Variants in RNASET2 observed in about 807,000 individuals in gnomAD.
RNASET2 encodes the protein ribonuclease T2.
In RNASET2, 28 loss-of-function variants were observed where a neutral mutation model predicts 33.9. The observed-to-expected ratio is 0.83, with a 90% CI of 0.61 to 1.13. The LOEUF is 1.13. RNASET2 is among the 50% of genes most tolerant of loss of function. RNASET2 has a pLI of 0.00. For synonymous variants in RNASET2, 123 were observed against 121.0 expected (o/e 1.02, Z -0.11); for missense variants, 330 against 319.9 (o/e 1.03, Z -0.24).
chr6:166,939,028 T>C lies in RNASET2; in HGVS notation c.333-20A>G. 3 of 1,580,000 alleles carry C rather than the reference T, an allele frequency of 1.9e-6. No individual in the cohort carries two copies. The highest frequency in any genetic ancestry group is 2.6e-6 in the Non-Finnish European group (3 of 1,152,584). On this transcript the variant is annotated intron_variant, in intron 5 of 8. Coordinates refer to ENST00000508775, the MANE Select transcript of RNASET2 (RefSeq NM_003730.6). The stretch of plus-strand genomic sequence containing the variant: ...TGCTTCCTGTGAGGATTAGGAAAAA[T>C]CTCCACTTAAAAGTAGTGAAACAGG...
intron 5 of RNASET2, among the ~76,000 whole-genome samples, chr6:166,939,554 T>C (rs2128645299): frequency 6.6e-6 from 1 of 152,250 alleles, no homozygotes; most frequent in South Asian, 2.1e-4. Context: ...AAATCAAAGC[T>C]GAGAAAAAAG....
intron 4 of RNASET2, among the ~76,000 whole-genome samples, chr6:166,946,089 T>C (rs898173687): frequency 1.3e-5 from 2 of 152,152 alleles, no homozygotes; most frequent in African/African-American, 4.8e-5. Flanking sequence ...GAGTGAAGAC[T>C]CCGTATGACA....
chr6:166,952,042 C>T (rs12199182), intron 2 of RNASET2, among the ~76,000 whole-genome samples: 13,168 of 152,212 alleles, frequency 0.087, 664 homozygotes, highest in Non-Finnish European at 0.099. Flanking sequence ...TTACTGGTGT[C>T]CTCATCAGAA....
In RNASET2 at chr6:166,928,577, G is replaced by A. The variant is rs1475285739; in HGVS notation, c.*1011C>T. 1.3e-5 allele frequency among the ~76,000 whole-genome samples: 2 copies of A among 151,986 alleles called. No homozygotes were observed. Among genetic ancestry groups the A allele is most frequent in the African/African-American group, 2.4e-5 (1 of 41,350 alleles). On this transcript the variant is annotated 3_prime_UTR_variant, in exon 9 of 9. Transcript: ENST00000508775. ...ATATTGAATAAAACATAAATAGGAC[G>A]TTAATGTGATTAAGACAAACAGAGA... is the stretch of plus-strand genomic sequence containing the variant.
At chr6:166,948,174 T>C (rs1778893641) in intron 3 of RNASET2, among the ~76,000 whole-genome samples, 1 of 152,030 alleles carries the variant, frequency 6.6e-6, no homozygotes, top group South Asian at 2.1e-4. Flanking sequence ...GGTGAAATCC[T>C]GTCTCTACTA....
rs78456214 is a variant in RNASET2, at chr6:166,955,726, G to C, written c.86+371C>G. ...CAGGGGTCACCCCGGGGAGTGTTCA[G>C]GGCTCCCCAACCCACTTCTTCCCAG... On this transcript the variant is annotated intron_variant, in intron 1 of 8. Transcript: ENST00000508775. 2.5e-3 allele frequency: 2,838 copies of C among 1,140,572 alleles called. 75 individuals carry two copies. In the East Asian group the frequency reaches 0.076, roughly 31 times the overall value. 70.7% of individuals were successfully genotyped at this position (1,140,572 alleles called of 1,614,324 possible).
At chr6:166,929,893 A>T in intron 8 of RNASET2, 102 bp from the exon 9 acceptor site, 1 of 1,131,912 alleles carries the variant, frequency 8.8e-7, no homozygotes, top group Non-Finnish European at 1.3e-6. Context: ...TAACAAAAGC[A>T]GAGGCTCCAC....
Position 166,946,662 on chromosome 6 carries a change from A to G in RNASET2, c.261+20T>C. On this transcript the variant is annotated intron_variant, in intron 4 of 8. Transcript: ENST00000508775. ...TCTAGGTCAACACTCTGCAGTAGAA[A>G]TATAATTAAAAGTCAATACCTTAAT... The G allele has an allele frequency of 7.4e-7, 1 of 1,344,358 alleles. No homozygotes were observed. The highest frequency in any genetic ancestry group is 2.4e-5 in the East Asian group (1 of 41,966). The allele number at this position is 1,344,358 out of a possible 1,614,324, so 83.3% of individuals were successfully genotyped here. A position where few individuals can be genotyped will look rare whatever the true frequency, so the allele number is the denominator to read the frequency against.
In RNASET2 at chr6:166,934,383, C is replaced by T. The variant is rs114661525; in HGVS notation, c.447-247G>A. 1,932 of 509,094 alleles carry T rather than the reference C, an allele frequency of 3.8e-3. 28 individuals are homozygous for T. The highest frequency in any genetic ancestry group is 0.033 in the African/African-American group (1,721 of 51,926). The allele number at this position is 509,094 out of a possible 1,614,324, so 31.5% of individuals were successfully genotyped here. ...TACCCTTTCCAGTTCCTGACTCCTT[C>T]GGAGCATGGGAGCGCTGGGGCCACC... On this transcript the variant is annotated intron_variant, in intron 6 of 8. Transcript: ENST00000508775.
At position 166,956,183 on chromosome 6, in the gene RNASET2, GGT is replaced by G. The variant is rs1178651369; in HGVS notation, c.-3_-2del. The G allele has an allele frequency of 5.8e-6, 9 of 1,547,530 alleles. No homozygotes were observed. Among genetic ancestry groups the G allele is most frequent in the Middle Eastern group, 2.0e-4 (1 of 4,982 alleles). ...CCCCGCGCAGGGCTGCAGGGCGCAT[GGT>G]GCCGACCTGCGGAGAGAACGCTGCC... On this transcript the variant is annotated 5_prime_UTR_variant, in exon 1 of 9. Coordinates refer to ENST00000508775, the MANE Select transcript of RNASET2 (RefSeq NM_003730.6).
In RNASET2 at chr6:166,930,355, C is replaced by A. The variant is rs1778390058; in HGVS notation, c.568-564G>T. ...AGATGTGCAGGCCTGTGCACACATG[C>A]AGAACATGCCCATATGTGCACACAT... On this transcript the variant is annotated intron_variant, in intron 8 of 8. Transcript: ENST00000508775. 2.6e-5 allele frequency among the ~76,000 whole-genome samples: 4 copies of A among 151,810 alleles called. No individual in the cohort carries two copies. The South Asian group carries it at 8.3e-4, about 32-fold the overall frequency.
At position 166,933,370 on chromosome 6, in the gene RNASET2, T is replaced by G. The variant is rs1778492544; in HGVS notation, c.492+721A>C. 6.6e-6 allele frequency: 1 copy of G among 152,018 alleles called. No individual in the cohort carries two copies. Among genetic ancestry groups the G allele is most frequent in the Non-Finnish European group, 1.5e-5 (1 of 67,974 alleles). The allele number at this position is 152,018 out of a possible 1,614,324, so 9.4% of individuals were successfully genotyped here. A position where few individuals can be genotyped will look rare whatever the true frequency, so the allele number is the denominator to read the frequency against. ...TTGAAAACAACTACTTTTTCTTTTT[T>G]TTTTAAAGAGACGTGATCTGGCTGT... On this transcript the variant is annotated intron_variant, in intron 7 of 8. Transcript: ENST00000508775. The surrounding 1 kb of genome is among the most constrained non-coding windows in gnomAD (Gnocchi z 4.1).
chr6:166,938,329 G>A (rs1464526068), intron 6 of RNASET2, among the ~76,000 whole-genome samples: 1 of 152,110 alleles, frequency 6.6e-6, no homozygotes, highest in Admixed American at 6.5e-5. Context: ...TCGGTGTGGC[G>A]CTCAGAAGGC....
intron 4 of RNASET2, among the ~76,000 whole-genome samples, chr6:166,946,081 G>A (rs1778835811): frequency 6.6e-6 from 1 of 152,072 alleles, no homozygotes; most frequent in South Asian, 2.1e-4. Context: ...GTGTGTGTGA[G>A]TGAAGACTCC....
Position 166,943,246 on chromosome 6 carries a change from G to A in RNASET2, c.262-157C>T, listed in dbSNP as rs1338910478. 1.1e-5 allele frequency: 7 copies of A among 611,046 alleles called. No individual in the cohort carries two copies. In the African/African-American group the frequency reaches 1.3e-4, roughly 11 times the overall value. The allele number at this position is 611,046 out of a possible 1,614,324, so 37.9% of individuals were successfully genotyped here. ...ATCCTATGCTTATTTTGTATGAAGT[G>A]TTTGTTAAGATATATCTACAAGTGC... On this transcript the variant is annotated intron_variant, in intron 4 of 8. Coordinates refer to ENST00000508775, the MANE Select transcript of RNASET2 (RefSeq NM_003730.6).
intron 2 of RNASET2, among the ~76,000 whole-genome samples, chr6:166,949,628 T>G (rs1381039935): frequency 2.0e-5 from 3 of 152,124 alleles, no homozygotes; most frequent in Non-Finnish European, 2.9e-5. Context: ...AAGTCCTTAC[T>G]GCTCAGTGCT....
At position 166,927,853 on chromosome 6, in the gene RNASET2, CAGATCT is replaced by C. The variant is rs1778331842; in HGVS notation, c.*1729_*1734del. Reference sequence around the variant, plus strand: ...ACGCCCTTCCAGGTGCAAAACAAATCAGATCTTGTCCCTCTCACAGGCATCAAAACA... The same window carrying C: ...ACGCCCTTCCAGGTGCAAAACAAATCTGTCCCTCTCACAGGCATCAAAACA... On this transcript the variant is annotated 3_prime_UTR_variant, in exon 9 of 9. Transcript: ENST00000508775. Among the ~76,000 whole-genome samples, 2 of 151,888 alleles carry C rather than the reference CAGATCT, an allele frequency of 1.3e-5. No individual in the cohort carries two copies. Among genetic ancestry groups the C allele is most frequent in the Non-Finnish European group, 2.9e-5 (2 of 67,996 alleles).
At position 166,937,534 on chromosome 6, in the gene RNASET2, T is replaced by C. The variant is rs554656287; in HGVS notation, c.446+1361A>G. ...CTGCAAGAAAGCAATGCTTCCTTTA[T>C]TAAAAACCTAAGATTAAATTACATA... On this transcript the variant is annotated intron_variant, in intron 6 of 8. Transcript: ENST00000508775. Among the ~76,000 whole-genome samples the C allele has an allele frequency of 1.1e-4, 17 of 152,320 alleles. No homozygotes were observed. The East Asian group carries it at 3.3e-3, about 29-fold the overall frequency.
intron 6 of RNASET2, among the ~76,000 whole-genome samples, chr6:166,937,145 CTT>C (rs370311451): frequency 6.7e-6 from 1 of 149,676 alleles, no homozygotes; most frequent in Non-Finnish European, 1.5e-5. Flanking sequence ...CTCATAATGA[CTT>C]TTTTTTTTGA....
Sources: gnomAD v4.1 joint callset for allele counts (sites outside exome capture counted in the v4.1 genomes callset) on GRCh38, gnomAD v4.1.1 for gene constraint, Gnocchi (gnomAD v3.1) non-coding constraint, MANE v1.5 for transcripts, NCBI Gene and HGNC (gene_info 2026-07-23, HGNC 2026-07-21) for gene names.